The following PPP1R16B variants were observed in gnomAD, a reference collection of about 807,000 sequenced individuals.
PPP1R16B encodes protein phosphatase 1 regulatory subunit 16B.
PPP1R16B carries 14 observed loss-of-function variants against 61.7 expected under a neutral mutation model. The observed-to-expected ratio is 0.23, with a 90% CI of 0.15 to 0.35. The LOEUF (loss-of-function observed/expected upper bound fraction) is 0.35. PPP1R16B is among the 10% of genes least tolerant of loss of function. The probability of loss-of-function intolerance (pLI) is 1.00; values close to 1 mark genes in which losing one functional copy is unlikely to be tolerated. For synonymous variants in PPP1R16B, 266 were observed against 305.3 expected, an observed-to-expected ratio of 0.87 and a Z score of 1.34; for missense variants, 547 against 752.5, an observed-to-expected ratio of 0.73 and a Z score of 3.19.
chr20:38,837,085 G>T (rs1253008260), intron 2 of PPP1R16B, among the ~76,000 whole-genome samples: 1 of 152,228 alleles, frequency 6.6e-6, no homozygotes, highest in Non-Finnish European at 1.5e-5. Flanking sequence ...GCTGTTCCGT[G>T]TATTCCGTGT....
intron 10 of PPP1R16B, among the ~76,000 whole-genome samples, chr20:38,917,285 G>C (rs186971007): frequency 7.0e-6 from 1 of 142,314 alleles, no homozygotes; most frequent in Admixed American, 7.2e-5. Flanking sequence ...GACAGAGCAA[G>C]ACTCCGTCTC....
At position 38,919,019 on chromosome 20, in the gene PPP1R16B, C is replaced by CAT; in HGVS notation, c.*357_*358dup. 1 of 194,872 alleles carries CAT rather than the reference C, an allele frequency of 5.1e-6. No individual in the cohort carries two copies. The highest frequency in any genetic ancestry group is 1.0e-5 in the Non-Finnish European group (1 of 95,538). The allele number at this position is 194,872 out of a possible 1,614,324, so 12.1% of individuals were successfully genotyped here. A position where few individuals can be genotyped will look rare whatever the true frequency, so the allele number is the denominator to read the frequency against. On this transcript the variant is annotated 3_prime_UTR_variant, in exon 11 of 11. Coordinates refer to ENST00000299824, the MANE Select transcript of PPP1R16B (RefSeq NM_015568.4). ...TCACATTAACACACACACACACACA[C>CAT]ATATACACACACACACAAGCTCGAT...
chr20:38,841,938 G>C (rs541108911), intron 2 of PPP1R16B, among the ~76,000 whole-genome samples: 1 of 152,108 alleles, frequency 6.6e-6, no homozygotes, highest in Non-Finnish European at 1.5e-5. Flanking sequence ...ATTTCTCTTG[G>C]GTCATTACCT....
At chr20:38,891,710 G>A (rs1382115507) in intron 3 of PPP1R16B, among the ~76,000 whole-genome samples, 1 of 151,988 alleles carries the variant, frequency 6.6e-6, no homozygotes, top group Non-Finnish European at 1.5e-5. Context: ...CTGAGGTAGG[G>A]AGATTTGCTT....
chr20:38,850,991 A>G (rs1285260249), intron 2 of PPP1R16B, among the ~76,000 whole-genome samples: 1 of 151,792 alleles, frequency 6.6e-6, no homozygotes, highest in Non-Finnish European at 1.5e-5. Flanking sequence ...AAATTGTTGA[A>G]TAGGTCATGG....
chr20:38,825,482 A>G (rs1050900146), intron 1 of PPP1R16B, among the ~76,000 whole-genome samples: 1 of 152,228 alleles, frequency 6.6e-6, no homozygotes, highest in African/African-American at 2.4e-5. Context: ...TAATAGAACA[A>G]GTACTTGCTA....
intron 1 of PPP1R16B, among the ~76,000 whole-genome samples, chr20:38,814,646 G>A (rs2084723866): frequency 6.6e-6 from 1 of 152,138 alleles, no homozygotes; most frequent in Non-Finnish European, 1.5e-5. Context: ...GCAAAGCACT[G>A]TGTCATTATG....
intron 2 of PPP1R16B, among the ~76,000 whole-genome samples, chr20:38,877,697 C>T (rs1016234015): frequency 2.6e-5 from 4 of 152,096 alleles, no homozygotes; most frequent in African/African-American, 7.2e-5. Flanking sequence ...ACTTCATTCT[C>T]CCCTCCTGCA....
At chr20:38,831,146 A>G (rs1029641119) in intron 1 of PPP1R16B, among the ~76,000 whole-genome samples, 3 of 152,216 alleles carry the variant, frequency 2.0e-5, no homozygotes, top group Admixed American at 1.3e-4. Context: ...GGACAGCTCT[A>G]GAGGCCGGTG....
intron 2 of PPP1R16B, among the ~76,000 whole-genome samples, chr20:38,849,359 C>T (rs2084953184): frequency 1.3e-5 from 2 of 152,054 alleles, no homozygotes; most frequent in Admixed American, 6.6e-5. Context: ...AGATTCTATC[C>T]TCTCTCCCCT....
At chr20:38,859,320 G>T (rs2085031223) in intron 2 of PPP1R16B, among the ~76,000 whole-genome samples, 1 of 151,670 alleles carries the variant, frequency 6.6e-6, no homozygotes, top group African/African-American at 2.4e-5. Context: ...GTGGGGGAGG[G>T]TGTGTGAAAT....
intron 2 of PPP1R16B, among the ~76,000 whole-genome samples, chr20:38,858,144 T>A (rs914358092): frequency 1.3e-5 from 2 of 152,126 alleles, no homozygotes; most frequent in Non-Finnish European, 2.9e-5. Flanking sequence ...CCCATCATCA[T>A]GACCTCATCT....
intron 2 of PPP1R16B, among the ~76,000 whole-genome samples, chr20:38,871,565 AG>A (rs2085129163): frequency 7.5e-6 from 1 of 133,928 alleles, no homozygotes. Flanking sequence ...AGGGAGGTAG[AG>A]AGTAAGGAAG....
chr20:38,910,659 G>C (rs1461968707), intron 10 of PPP1R16B, among the ~76,000 whole-genome samples: 2 of 150,784 alleles, frequency 1.3e-5, no homozygotes, highest in Non-Finnish European at 3.0e-5. Context: ...TCAGCCTCTT[G>C]GGTAGCTGGG....
chr20:38,918,719 GC>G lies in PPP1R16B; in HGVS notation c.*55del. 1 of 1,479,118 alleles carries G rather than the reference GC, an allele frequency of 6.8e-7. No individual in the cohort carries two copies. Among genetic ancestry groups the G allele is most frequent in the Admixed American group, 2.4e-5 (1 of 42,090 alleles). 91.6% of individuals were successfully genotyped at this position (1,479,118 alleles called of 1,614,324 possible). ...CTGGGGAGGGGCTCCTGGAATCCAG[GC>G]CAGCCCAACAGCCCTGGCTGGGGAG... On this transcript the variant is annotated 3_prime_UTR_variant, in exon 11 of 11. Transcript: ENST00000299824. This position sits in a 1 kb window ranked among gnomAD's most constrained non-coding sequence, Gnocchi z 5.3.
intron 2 of PPP1R16B, among the ~76,000 whole-genome samples, chr20:38,852,283 T>C (rs1008736413): frequency 6.6e-6 from 1 of 152,228 alleles, no homozygotes; most frequent in African/African-American, 2.4e-5. Flanking sequence ...GATTATAATT[T>C]GGCGTCCCAG....
rs189201322 is a variant in PPP1R16B at position 38,866,951 on chromosome 20, G to A, written c.251-22644G>A. On this transcript the variant is annotated intron_variant, in intron 2 of 10. Transcript: ENST00000299824. Reference sequence around the variant, plus strand: ...CTCTTCCCCCTAGCCCCTGGCAGCCGCTAATCTACTTTCTGTCTCTATGGA... The same window carrying A: ...CTCTTCCCCCTAGCCCCTGGCAGCCACTAATCTACTTTCTGTCTCTATGGA... Among the ~76,000 whole-genome samples, 158 of 152,208 alleles carry A rather than the reference G, an allele frequency of 1.0e-3. 2 individuals carry two copies. Among genetic ancestry groups the A allele is most frequent in the Non-Finnish European group, 4.0e-4 (27 of 68,020 alleles).
rs377146740 is a variant in PPP1R16B, at chr20:38,876,219, C to T, written c.251-13376C>T. Among the ~76,000 whole-genome samples, 39 of 152,194 alleles carry T rather than the reference C, an allele frequency of 2.6e-4. 1 individual carries two copies. In the South Asian group the frequency reaches 5.4e-3, roughly 21 times the overall value. On this transcript the variant is annotated intron_variant, in intron 2 of 10. Coordinates refer to ENST00000299824, the MANE Select transcript of PPP1R16B (RefSeq NM_015568.4). ...AACTCCTGACCTCAGGTGATCTGCC[C>T]GCCTTGGCCTCCCAAAGTGCTTGGA...
In PPP1R16B at chr20:38,920,186, C is replaced by G. The variant is rs989830545; in HGVS notation, c.*1520C>G. 6.5e-6 allele frequency: 1 copy of G among 152,788 alleles called. No homozygotes were observed. The highest frequency in any genetic ancestry group is 2.4e-5 in the African/African-American group (1 of 41,464). The allele number at this position is 152,788 out of a possible 1,614,324, so 9.5% of individuals were successfully genotyped here. On this transcript the variant is annotated 3_prime_UTR_variant, in exon 11 of 11. Coordinates refer to ENST00000299824, the MANE Select transcript of PPP1R16B (RefSeq NM_015568.4). Reference sequence around the variant, plus strand: ...GGCTGTTCTCCCCTCACTGCTGAGTCTCCCAGGACCCCCTTTGGAGATGCC... The same window carrying G: ...GGCTGTTCTCCCCTCACTGCTGAGTGTCCCAGGACCCCCTTTGGAGATGCC...
Sources: allele counts gnomAD v4.1 joint callset (sites outside exome capture counted in the v4.1 genomes callset), GRCh38; gene constraint gnomAD v4.1.1; non-coding constraint Gnocchi (gnomAD v3.1); transcripts MANE v1.5; gene names NCBI Gene and HGNC (gene_info 2026-07-23, HGNC 2026-07-21).